The following GARIN2 variants were observed in gnomAD, a reference collection of about 807,000 sequenced individuals.
GARIN2 encodes Golgi-associated RAB2 interactor protein 2.
the GARIN2 span, among the ~76,000 whole-genome samples, chr14:67,226,779 C>A: frequency 2.0e-5 from 3 of 152,180 alleles, no homozygotes; most frequent in African/African-American, 7.2e-5. Context: ...AATTCCCTGG[C>A]CTCCACATAC....
the GARIN2 span, among the ~76,000 whole-genome samples, chr14:67,220,760 A>G: frequency 6.6e-6 from 1 of 152,192 alleles, no homozygotes. Context: ...GTCTCGCTTA[A>G]CCTTCATTTA....
the GARIN2 span, among the ~76,000 whole-genome samples, chr14:67,211,032 C>T: frequency 1.3e-5 from 2 of 152,082 alleles, no homozygotes; most frequent in African/African-American, 4.8e-5. Context: ...ATAAGCTTTG[C>T]AGTCAGATCT....
At chr14:67,205,166 C>A in the GARIN2 span, 1 of 1,376,642 alleles carries the variant, frequency 7.3e-7, no homozygotes. Flanking sequence ...TCTTGGTTAG[C>A]TGACATTGAT....
At chr14:67,218,408 G>A in the GARIN2 span, among the ~76,000 whole-genome samples, 1 of 152,182 alleles carries the variant, frequency 6.6e-6, no homozygotes, top group Non-Finnish European at 1.5e-5. Context: ...TGGAACACAA[G>A]TGCAAGTCTG....
At chr14:67,223,149 G>A in the GARIN2 span, among the ~76,000 whole-genome samples, 4 of 152,032 alleles carry the variant, frequency 2.6e-5, no homozygotes, top group Admixed American at 6.5e-5. Context: ...ACAAGCACCC[G>A]CCACCATGCC....
the GARIN2 span, chr14:67,200,324 G>A: frequency 1.5e-6 from 1 of 654,132 alleles, no homozygotes; most frequent in Non-Finnish European, 2.7e-6. Flanking sequence ...CTCTCCCTCA[G>A]TAAATTCACA....
chr14:67,217,988 T>C, the GARIN2 span, among the ~76,000 whole-genome samples: 1 of 152,120 alleles, frequency 6.6e-6, no homozygotes, highest in African/African-American at 2.4e-5. Context: ...GTGGGTTGCA[T>C]TGGCTTTGGT....
chr14:67,221,777 A>G, the GARIN2 span: 1 of 1,613,338 alleles, frequency 6.2e-7, no homozygotes, highest in East Asian at 2.2e-5. Flanking sequence ...TTATTTTTAC[A>G]GGAGCTTGAG....
chr14:67,227,413 C>T, the GARIN2 span: 5 of 143,806 alleles, frequency 3.5e-5, no homozygotes, highest in Admixed American at 7.2e-5. Flanking sequence ...GTACTGTAGC[C>T]GGGGCAACAG....
the GARIN2 span, chr14:67,200,068 C>T: frequency 2.1e-6 from 2 of 959,154 alleles, no homozygotes; most frequent in East Asian, 2.5e-5. Context: ...ACCACCCCAA[C>T]CACCACCTGG....
the GARIN2 span, chr14:67,228,473 G>A: frequency 0.14 from 26,951 of 196,306 alleles, 4,246 homozygotes; most frequent in East Asian, 0.43. Context: ...ACAGCTCAGG[G>A]AAAGACAATC....
the GARIN2 span, among the ~76,000 whole-genome samples, chr14:67,193,924 G>T: frequency 7.9e-6 from 1 of 126,570 alleles, no homozygotes; most frequent in Non-Finnish European, 1.5e-5. Context: ...CAGCCTGTGT[G>T]ACAGAGCAAG....
chr14:67,198,980 C>T, the GARIN2 span: 8 of 703,780 alleles, frequency 1.1e-5, no homozygotes, highest in South Asian at 1.2e-4. Flanking sequence ...AGAAGCTGCT[C>T]AGCTGATTTC....
the GARIN2 span, among the ~76,000 whole-genome samples, chr14:67,207,493 A>G: frequency 6.6e-6 from 1 of 152,098 alleles, no homozygotes. Flanking sequence ...GCCCACTTCC[A>G]ACATTGGAGG....
the GARIN2 span, chr14:67,227,517 G>A: frequency 6.6e-6 from 1 of 151,404 alleles, no homozygotes; most frequent in African/African-American, 2.4e-5. Flanking sequence ...TATGGGAAAA[G>A]GTAGATTTTT....
chr14:67,220,272 CAAAAAAG>C, the GARIN2 span, among the ~76,000 whole-genome samples: 2 of 151,576 alleles, frequency 1.3e-5, no homozygotes, highest in Non-Finnish European at 2.9e-5. Context: ...CCTGTCCCTA[CAAAAAAG>C]AAAAAAGAAA....
the GARIN2 span, among the ~76,000 whole-genome samples, chr14:67,209,679 G>A: frequency 6.6e-6 from 1 of 151,726 alleles, no homozygotes; most frequent in African/African-American, 2.4e-5. Context: ...TTAGCCAGGT[G>A]TGGTGGCAGG....
chr14:67,218,583 C>T, the GARIN2 span, among the ~76,000 whole-genome samples: 1 of 152,140 alleles, frequency 6.6e-6, no homozygotes, highest in South Asian at 2.1e-4. Context: ...TTTGGCTGGC[C>T]TGGGGGCATG....
At chr14:67,190,068 A>ATTTTTTTTTTT in the GARIN2 span, among the ~76,000 whole-genome samples, 7 of 115,440 alleles carry the variant, frequency 6.1e-5, no homozygotes, top group Non-Finnish European at 1.1e-4. Flanking sequence ...TGCCCAGCTA[A>ATTTTTTTTTTT]TTTTTTTTTT....
Sources: gnomAD v4.1 joint callset for allele counts (sites outside exome capture counted in the v4.1 genomes callset) on GRCh38, gnomAD v4.1.1 for gene constraint, MANE v1.5 for transcripts, NCBI Gene and HGNC (gene_info 2026-07-23, HGNC 2026-07-21) for gene names.